The following ARFGEF1 variants were observed in gnomAD, a reference collection of about 807,000 sequenced individuals.
ARFGEF1 encodes brefeldin A-inhibited guanine nucleotide-exchange protein 1.
A neutral mutation model predicts 231.0 loss-of-function variants in ARFGEF1; 42 were observed. The observed-to-expected ratio is 0.18, with a 90% CI of 0.14 to 0.24. The LOEUF is 0.24. ARFGEF1 is among the 10% of genes least tolerant of loss of function. The pLI, the probability that ARFGEF1 is intolerant of heterozygous loss-of-function variation, is 1.00. For missense variants in ARFGEF1, 1,345 were observed against 2,192.0 expected, an observed-to-expected ratio of 0.61 and a Z score of 7.72; for synonymous variants, 710 against 732.3, an observed-to-expected ratio of 0.97 and a Z score of 0.49.
At chr8:67,194,444 CA>C (rs1837311174), downstream of ARFGEF1, among the ~76,000 whole-genome samples, 1 of 152,056 alleles carries the variant, frequency 6.6e-6, no homozygotes, top group Non-Finnish European at 1.5e-5. Context: ...ACAAAGCAGA[CA>C]TGGTTAATTG....
rs140932895 is a variant in ARFGEF1 at position 67,332,059 on chromosome 8, T to C, written c.124+11105A>G. Among the ~76,000 whole-genome samples the C allele has an allele frequency of 7.4e-4, 112 of 152,204 alleles. 1 individual carries two copies. The highest frequency in any genetic ancestry group is 2.5e-3 in the African/African-American group (105 of 41,542). On this transcript the variant is annotated intron_variant, in intron 1 of 38. Coordinates refer to ENST00000262215, the MANE Select transcript of ARFGEF1 (RefSeq NM_006421.5). ...ACATGTCCCCAAACTCAAAAATATT[T>C]AAACAAATGACACACTGTTAAAATG...
At chr8:67,285,384 G>C (rs1805712565) in intron 7 of ARFGEF1, among the ~76,000 whole-genome samples, 1 of 152,110 alleles carries the variant, frequency 6.6e-6, no homozygotes, top group Non-Finnish European at 1.5e-5. Context: ...GGGCGTGGTG[G>C]TGTGTAACTG....
At chr8:67,306,880 C>A (rs1163030358) in intron 1 of ARFGEF1, among the ~76,000 whole-genome samples, 1 of 152,176 alleles carries the variant, frequency 6.6e-6, no homozygotes, top group Non-Finnish European at 1.5e-5. Flanking sequence ...TGGGTTCAAG[C>A]AATTCTCCTG....
At chr8:67,211,074 T>C (rs986560977) in intron 34 of ARFGEF1, among the ~76,000 whole-genome samples, 1 of 121,642 alleles carries the variant, frequency 8.2e-6, no homozygotes, top group East Asian at 2.5e-4. Context: ...TGGCCGGGCA[T>C]AGTGGCTCAC....
chr8:67,279,122 G>C (rs1007143927), intron 7 of ARFGEF1, among the ~76,000 whole-genome samples: 1 of 152,008 alleles, frequency 6.6e-6, no homozygotes, highest in African/African-American at 2.4e-5. Context: ...TTTAAAAAAA[G>C]AATTTACATA....
At chr8:67,190,129 T>G (rs990909392) in intron 5 of ARFGEF1, among the ~76,000 whole-genome samples, 1 of 152,234 alleles carries the variant, frequency 6.6e-6, no homozygotes, top group Middle Eastern at 3.2e-3. Context: ...AACTTGAATG[T>G]GAATGTTCAT....
At chr8:67,333,461 C>T (rs908487340) in intron 1 of ARFGEF1, among the ~76,000 whole-genome samples, 3 of 151,864 alleles carry the variant, frequency 2.0e-5, no homozygotes, top group Non-Finnish European at 4.4e-5. Flanking sequence ...TGCACACCAC[C>T]ACACCCAGTA....
chr8:67,270,317 G>A (rs1171722989), intron 10 of ARFGEF1, among the ~76,000 whole-genome samples: 1 of 152,056 alleles, frequency 6.6e-6, no homozygotes, highest in Non-Finnish European at 1.5e-5. Flanking sequence ...AAATACCAAG[G>A]CCTAATTCTG....
intron 1 of ARFGEF1, among the ~76,000 whole-genome samples, chr8:67,331,999 T>A (rs13270606): frequency 0.33 from 50,080 of 150,732 alleles, 8,535 homozygotes; most frequent in African/African-American, 0.41. Flanking sequence ...GGGATTAATT[T>A]AAAAAAAAAA....
chr8:67,257,672 T>A (rs1289844877), intron 17 of ARFGEF1, 60 bp downstream of exon 17: 2 of 1,288,048 alleles, frequency 1.6e-6, no homozygotes, highest in Non-Finnish European at 2.2e-6. Flanking sequence ...CTTACTGAAT[T>A]CAGAATAATG....
chr8:67,227,668 T>C lies in ARFGEF1; in HGVS notation c.3592-70A>G, dbSNP rs1194662292. ...TAAAAATCTACAATTCTTTATTTTTTGTTTTAGAAAAAGTATAGAATAGCA... is the reference window on the plus strand; with the variant it reads ...TAAAAATCTACAATTCTTTATTTTTCGTTTTAGAAAAAGTATAGAATAGCA... On this transcript the variant is annotated intron_variant, in intron 25 of 38. Transcript: ENST00000262215. 1.5e-5 allele frequency: 23 copies of C among 1,529,298 alleles called. No individual in the cohort carries two copies. The East Asian group carries it at 4.1e-4, about 27-fold the overall frequency. The allele number at this position is 1,529,298 out of a possible 1,614,324, so 94.7% of individuals were successfully genotyped here.
intron 30 of ARFGEF1, 27 bp from the exon 31 acceptor site, chr8:67,218,165 TCACGC>T (rs1231552277): frequency 8.1e-7 from 1 of 1,236,816 alleles, no homozygotes; most frequent in East Asian, 3.2e-5. Flanking sequence ...TTAATGAACA[TCACGC>T]CATTAATCAA....
intron 23 of ARFGEF1, 61 bp from the exon 24 acceptor site, chr8:67,228,325 A>G (rs1163103585): frequency 6.7e-7 from 1 of 1,494,902 alleles, no homozygotes. Flanking sequence ...TCCAATTGAA[A>G]AGTATGTGGC....
intron 10 of ARFGEF1, among the ~76,000 whole-genome samples, chr8:67,268,355 G>A (rs778168103): frequency 3.9e-5 from 6 of 152,122 alleles, no homozygotes; most frequent in Admixed American, 6.5e-5. Flanking sequence ...CACATAGTAG[G>A]TGTTCAATAA....
chr8:67,274,640 C>T (rs1041034054), intron 9 of ARFGEF1, among the ~76,000 whole-genome samples: 1 of 152,026 alleles, frequency 6.6e-6, no homozygotes, highest in Non-Finnish European at 1.5e-5. Context: ...CCTTTTCATT[C>T]TCAGCATTTT....
intron 1 of ARFGEF1, among the ~76,000 whole-genome samples, chr8:67,312,750 G>A (rs1190652486): frequency 6.6e-6 from 1 of 152,138 alleles, no homozygotes; most frequent in Admixed American, 6.6e-5. Context: ...TGCAGAAAAA[G>A]TATTTAAGAC....
rs1172456465 is a variant in ARFGEF1 at position 67,343,341 on chromosome 8, A to AGGGGAG, written c.-60_-55dup. The AGGGGAG allele has an allele frequency of 6.7e-7, 1 of 1,491,646 alleles. No individual in the cohort carries two copies. The highest frequency in any genetic ancestry group is 1.8e-5 in the Admixed American group (1 of 55,860). 92.4% of individuals were successfully genotyped at this position (1,491,646 alleles called of 1,614,324 possible). On this transcript the variant is annotated 5_prime_UTR_variant, in exon 1 of 39. Coordinates refer to ENST00000262215, the MANE Select transcript of ARFGEF1 (RefSeq NM_006421.5). ...CCGACCCGCGGCTCCCAGCGGCTGG[A>AGGGGAG]GGGGAGGAGGAGGAGAGGAAGGAAG...
At chr8:67,202,802 A>G (rs772092733) in intron 36 of ARFGEF1, among the ~76,000 whole-genome samples, 5 of 152,198 alleles carry the variant, frequency 3.3e-5, no homozygotes, top group Non-Finnish European at 4.4e-5. Context: ...TGTCATGCCA[A>G]TGAGTATCAA....
At chr8:67,230,481 A>C (rs1839518914) in intron 23 of ARFGEF1, among the ~76,000 whole-genome samples, 1 of 152,118 alleles carries the variant, frequency 6.6e-6, no homozygotes, top group South Asian at 2.1e-4. Flanking sequence ...ATATTATTAT[A>C]CCTGTAAAAG....
Sources: allele counts gnomAD v4.1 joint callset (sites outside exome capture counted in the v4.1 genomes callset), GRCh38; gene constraint gnomAD v4.1.1; transcripts MANE v1.5; gene names NCBI Gene and HGNC (gene_info 2026-07-23, HGNC 2026-07-21).